Variants in SERP2 observed in about 807,000 individuals in gnomAD.
SERP2 encodes stress-associated endoplasmic reticulum protein 2.
In SERP2, 6 loss-of-function variants were observed where a neutral mutation model predicts 9.1. That is an observed-to-expected ratio of 0.66 (90% confidence interval 0.36 to 1.30). SERP2 has a LOEUF of 1.30. SERP2 is among the 50% of genes most tolerant of loss of function. The pLI is 0.03. For synonymous variants in SERP2, 37 were observed against 27.3 expected (o/e 1.35, Z -1.10); for missense variants, 58 against 81.9 (o/e 0.71, Z 1.13).
intron 1 of SERP2, among the ~76,000 whole-genome samples, chr13:44,378,792 C>T (rs1394566182): frequency 6.6e-6 from 1 of 152,056 alleles, no homozygotes; most frequent in Non-Finnish European, 1.5e-5. Flanking sequence ...GCACATAGAC[C>T]TGGAGGTGTT....
Position 44,396,639 on chromosome 13 carries a change from A to C in SERP2, c.158-633A>C, listed in dbSNP as rs578068675. ...TCTCATCCACATGGGCAAGGGTCCCAGGAGTTCTCTGTGGGCTTACAAGCT... is the reference window on the plus strand; with the variant it reads ...TCTCATCCACATGGGCAAGGGTCCCCGGAGTTCTCTGTGGGCTTACAAGCT... On this transcript the variant is annotated intron_variant, in intron 2 of 2. Transcript: ENST00000379179. Among the ~76,000 whole-genome samples, 12 of 152,276 alleles carry C rather than the reference A, an allele frequency of 7.9e-5. 1 individual carries two copies. The South Asian group carries it at 2.3e-3, about 29-fold the overall frequency.
chr13:44,376,183 G>C (rs1185423698), intron 1 of SERP2, among the ~76,000 whole-genome samples: 1 of 152,186 alleles, frequency 6.6e-6, no homozygotes, highest in Non-Finnish European at 1.5e-5. Flanking sequence ...ATTGTAAATA[G>C]ATTACTATCC....
rs575721282 is a variant in SERP2 at position 44,382,978 on chromosome 13, C to A, written c.157+3265C>A. On this transcript the variant is annotated intron_variant, in intron 2 of 2. Transcript: ENST00000379179. Reference sequence around the variant, plus strand: ...TCATACTCAGCAGAAGAGAAAGTTTCCAAGGGGAGGTGCTGTTTGAGCGGA... The same window carrying A: ...TCATACTCAGCAGAAGAGAAAGTTTACAAGGGGAGGTGCTGTTTGAGCGGA... 4.6e-4 allele frequency among the ~76,000 whole-genome samples: 70 copies of A among 152,208 alleles called. 1 individual carries two copies. Among genetic ancestry groups the A allele is most frequent in the African/African-American group, 1.6e-3 (68 of 41,534 alleles).
In SERP2 at chr13:44,373,925, G is replaced by A. The variant is rs906894699; in HGVS notation, c.-101G>A. On this transcript the variant is annotated 5_prime_UTR_variant, in exon 1 of 3. Coordinates refer to ENST00000379179, the MANE Select transcript of SERP2 (RefSeq NM_001010897.3). This position sits in a 1 kb window ranked among gnomAD's most constrained non-coding sequence, Gnocchi z 4.8. ...CCACGCCTTGCCACCTGCAGCGCCC[G>A]GGTGGGCCGCGGGGGCCTCGGCGGG... 21 of 1,134,432 alleles carry A rather than the reference G, an allele frequency of 1.9e-5. No individual in the cohort carries two copies. The highest frequency in any genetic ancestry group is 2.5e-5 in the Non-Finnish European group (20 of 790,156). The allele number at this position is 1,134,432 out of a possible 1,614,324, so 70.3% of individuals were successfully genotyped here. A position where few individuals can be genotyped will look rare whatever the true frequency, so the allele number is the denominator to read the frequency against.
intron 2 of SERP2, among the ~76,000 whole-genome samples, chr13:44,391,493 T>C (rs1229593180): frequency 6.6e-6 from 1 of 152,182 alleles, no homozygotes; most frequent in Non-Finnish European, 1.5e-5. Flanking sequence ...CAAAGAAAGA[T>C]GAGTTAATCA....
intron 1 of SERP2, among the ~76,000 whole-genome samples, chr13:44,376,828 T>TA (rs1229244083): frequency 6.6e-6 from 1 of 152,042 alleles, no homozygotes; most frequent in Non-Finnish European, 1.5e-5. Flanking sequence ...TATACAGTAG[T>TA]AACTTCTCCA....
At chr13:44,395,984 A>G (rs1026088083) in intron 2 of SERP2, 31 of 369,840 alleles carry the variant, frequency 8.4e-5, no homozygotes, top group African/African-American at 6.3e-4. Flanking sequence ...CTGTAATGAG[A>G]TCACAGCACG....
rs1299135592 is a variant in SERP2, at chr13:44,375,778, G to C, written c.84+1669G>C. On this transcript the variant is annotated intron_variant, in intron 1 of 2. Coordinates refer to ENST00000379179, the MANE Select transcript of SERP2 (RefSeq NM_001010897.3). ...ACAAGAACTAATTTCTAAGGCTGTT[G>C]TATCTATTAGGTTCTGTAGACTCAG... Among the ~76,000 whole-genome samples, 4 of 152,172 alleles carry C rather than the reference G, an allele frequency of 2.6e-5. No homozygotes were observed. In the South Asian group the frequency reaches 8.3e-4, roughly 32 times the overall value.
At chr13:44,390,859 C>T (rs7322240) in intron 2 of SERP2, 151,663 of 152,822 alleles carry the variant, frequency 0.99, 75,265 homozygotes, top group Non-Finnish European at 1. Context: ...TGCAATGTCT[C>T]GTCTCCTAAC....
At chr13:44,374,187 C>CGGGGG in intron 1 of SERP2, 78 bp downstream of exon 1, 16 of 495,504 alleles carry the variant, frequency 3.2e-5, no homozygotes, top group East Asian at 6.9e-5. Flanking sequence ...CGGGGCCGGG[C>CGGGGG]GGGTAGCGGC....
At chr13:44,392,321 C>T (rs1872829997) in intron 2 of SERP2, among the ~76,000 whole-genome samples, 1 of 151,566 alleles carries the variant, frequency 6.6e-6, no homozygotes, top group Admixed American at 6.6e-5. Context: ...GGACAGGGAC[C>T]ATGATGTGCA....
intron 2 of SERP2, among the ~76,000 whole-genome samples, chr13:44,381,643 C>T (rs1241987157): frequency 6.6e-6 from 1 of 152,242 alleles, no homozygotes; most frequent in African/African-American, 2.4e-5. Flanking sequence ...TTGCTCACCA[C>T]TCTGCCTCTA....
rs900086939 is a variant in SERP2, at chr13:44,397,371, G to A, written c.*59G>A. ...CTGGAGGCGGGAGGACAACGGAAGC[G>A]GTCAGCCAGTTTCTGCGGGAAACAA... On this transcript the variant is annotated 3_prime_UTR_variant, in exon 3 of 3. Transcript: ENST00000379179. The A allele has an allele frequency of 2.2e-5, 29 of 1,345,748 alleles. No individual in the cohort carries two copies. The highest frequency in any genetic ancestry group is 3.4e-5 in the Admixed American group (2 of 59,510). 83.4% of individuals were successfully genotyped at this position (1,345,748 alleles called of 1,614,324 possible).
rs1487640118 is a variant in SERP2, at chr13:44,397,517, A to T, written c.*205A>T. On this transcript the variant is annotated 3_prime_UTR_variant, in exon 3 of 3. Coordinates refer to ENST00000379179, the MANE Select transcript of SERP2 (RefSeq NM_001010897.3). Reference sequence around the variant, plus strand: ...TGGTGCATCCGCGTTCTCAAGCGGAAAGGACATTTTGCTTTTCTGTTGGCA... The same window carrying T: ...TGGTGCATCCGCGTTCTCAAGCGGATAGGACATTTTGCTTTTCTGTTGGCA... 2 of 590,228 alleles carry T rather than the reference A, an allele frequency of 3.4e-6. No homozygotes were observed. The highest frequency in any genetic ancestry group is 3.7e-5 in the African/African-American group (2 of 53,564). 36.6% of individuals were successfully genotyped at this position (590,228 alleles called of 1,614,324 possible).
intron 2 of SERP2, among the ~76,000 whole-genome samples, chr13:44,393,630 T>C (rs1198994479): frequency 1.3e-5 from 2 of 152,166 alleles, no homozygotes; most frequent in Non-Finnish European, 2.9e-5. Context: ...GTTCTGCTGT[T>C]TTCTCAGCTT....
At chr13:44,389,858 C>T (rs1264184690) in intron 2 of SERP2, among the ~76,000 whole-genome samples, 3 of 152,176 alleles carry the variant, frequency 2.0e-5, no homozygotes, top group African/African-American at 4.8e-5. Context: ...GGACTGACTA[C>T]TTGTAATGCC....
Position 44,397,601 on chromosome 13 carries a change from T to C in SERP2, c.*289T>C. ...GCTGTTTTTTTGGTTTTTCCCTTGG[T>C]TTCACTAATGCGTGCATGTGGCCCT... On this transcript the variant is annotated 3_prime_UTR_variant, in exon 3 of 3. Coordinates refer to ENST00000379179, the MANE Select transcript of SERP2 (RefSeq NM_001010897.3). 2.1e-6 allele frequency: 1 copy of C among 477,546 alleles called. No individual in the cohort carries two copies. The highest frequency in any genetic ancestry group is 3.8e-6 in the Non-Finnish European group (1 of 261,524). The allele number at this position is 477,546 out of a possible 1,614,324, so 29.6% of individuals were successfully genotyped here.
intron 1 of SERP2, among the ~76,000 whole-genome samples, chr13:44,378,060 G>C (rs1185747727): frequency 6.6e-6 from 1 of 152,214 alleles, no homozygotes; most frequent in Non-Finnish European, 1.5e-5. Flanking sequence ...GGACCCAAGT[G>C]AGGTAAAAGA....
chr13:44,381,407 T>C (rs1199639819), intron 2 of SERP2, among the ~76,000 whole-genome samples: 1 of 151,638 alleles, frequency 6.6e-6, no homozygotes, highest in Non-Finnish European at 1.5e-5. Context: ...CTGGACATGG[T>C]GGCACGCGCC....
Sources: allele counts gnomAD v4.1 joint callset (sites outside exome capture counted in the v4.1 genomes callset), GRCh38; gene constraint gnomAD v4.1.1; non-coding constraint Gnocchi (gnomAD v3.1); transcripts MANE v1.5; gene names NCBI Gene and HGNC (gene_info 2026-07-23, HGNC 2026-07-21).